The following PCSK6 variants were observed in gnomAD, a reference collection of about 807,000 sequenced individuals.
The protein encoded by PCSK6 is proprotein convertase subtilisin/kexin type 6.
A neutral mutation model predicts 123.3 loss-of-function variants in PCSK6; 85 were observed. That is an observed-to-expected ratio of 0.69 (90% CI 0.58 to 0.83). PCSK6 has a LOEUF of 0.83. Ranked by LOEUF, PCSK6 falls within the 40% of genes least tolerant of loss-of-function variation. PCSK6 has a pLI of 0.00. For missense variants in PCSK6, 1,191 were observed against 1,282.3 expected (o/e 0.93, Z 1.09); for synonymous variants, 508 against 516.0 (o/e 0.98, Z 0.21).
At chr15:101,320,215 A>G (rs921481313) in intron 18 of PCSK6, among the ~76,000 whole-genome samples, 1 of 152,124 alleles carries the variant, frequency 6.6e-6, no homozygotes, top group Non-Finnish European at 1.5e-5. Context: ...CCTCCCGAGT[A>G]GCTGAGATTA....
At chr15:101,336,737 A>C (rs993384570) in intron 13 of PCSK6, 4 of 152,208 alleles carry the variant, frequency 2.6e-5, no homozygotes, top group Admixed American at 2.0e-4. Context: ...TGTTTTGCTC[A>C]CACATGGTTT....
intron 11 of PCSK6, among the ~76,000 whole-genome samples, chr15:101,372,285 G>T (rs1324225484): frequency 3.3e-5 from 5 of 152,182 alleles, no homozygotes. Flanking sequence ...CATTATGCCT[G>T]GACTCTCCTC....
At chr15:101,483,601 A>C (rs1323442606) in intron 1 of PCSK6, among the ~76,000 whole-genome samples, 2 of 152,196 alleles carry the variant, frequency 1.3e-5, no homozygotes, top group African/African-American at 4.8e-5. Flanking sequence ...GCAGACGCTG[A>C]GCTGTTGTGA....
At position 101,406,134 on chromosome 15, in the gene PCSK6, C is replaced by T. The variant is rs144519488; in HGVS notation, c.824-7558G>A. Among the ~76,000 whole-genome samples the T allele has an allele frequency of 1.6e-4, 24 of 152,266 alleles. 1 individual carries two copies. In the East Asian group the frequency reaches 3.7e-3, roughly 23 times the overall value. ...AACATGCAGCCGGCCCCAGTCAGCA[C>T]GAGACACAGCATTTCCCCTGAAAAC... is the stretch of plus-strand genomic sequence containing the variant. On this transcript the variant is annotated intron_variant, in intron 6 of 21. Coordinates refer to ENST00000611716, the MANE Select transcript of PCSK6 (RefSeq NM_002570.5).
At chr15:101,468,967 G>A (rs1331623066) in intron 1 of PCSK6, among the ~76,000 whole-genome samples, 2 of 152,168 alleles carry the variant, frequency 1.3e-5, no homozygotes, top group Non-Finnish European at 2.9e-5. Context: ...GGATGTCAGA[G>A]GTCCCCAGCT....
intron 2 of PCSK6, 22 bp from the exon 3 acceptor site, chr15:101,432,122 C>T: frequency 1.3e-6 from 2 of 1,573,768 alleles, no homozygotes; most frequent in South Asian, 2.3e-5. Flanking sequence ...AATGCAATTA[C>T]TGTTTATATT....
chr15:101,434,685 G>A (rs946513606), intron 2 of PCSK6, among the ~76,000 whole-genome samples: 4 of 152,226 alleles, frequency 2.6e-5, no homozygotes, highest in Non-Finnish European at 5.9e-5. Flanking sequence ...CGGCAAGTGA[G>A]GTGCTCTCAG....
chr15:101,372,297 C>G (rs541883000), intron 11 of PCSK6, among the ~76,000 whole-genome samples: 3 of 152,220 alleles, frequency 2.0e-5, no homozygotes, highest in South Asian at 2.1e-4. Flanking sequence ...ACTCTCCTCC[C>G]GGGAGGCATG....
At chr15:101,310,756 G>A (rs968057381) in intron 20 of PCSK6, among the ~76,000 whole-genome samples, 5 of 152,146 alleles carry the variant, frequency 3.3e-5, no homozygotes, top group African/African-American at 1.2e-4. Flanking sequence ...TGTTTCTAGG[G>A]GAATAGGTTA....
Position 101,430,055 on chromosome 15 carries a change from G to C in PCSK6, c.666C>G (p.Tyr222Ter). 6.2e-7 allele frequency: 1 copy of C among 1,613,544 alleles called. No individual in the cohort carries two copies. Among genetic ancestry groups the C allele is most frequent in the South Asian group, 1.1e-5 (1 of 91,068 alleles). The change falls in exon 5 of 22, where the codon TAC becomes TAG. Residue 222 changes from tyrosine (Y) to a stop codon, truncating the protein, a stop_gained. Coordinates refer to ENST00000611716, the MANE Select transcript of PCSK6 (RefSeq NM_002570.5). LOFTEE classifies it high-confidence loss of function. Reference protein sequence around the residue: ...HPDLAPNYDSYASYDVNGNDY... With the variant: ...HPDLAPNYDS ...CATTGCCGTTCACGTCGTAGCTGGC[G>C]TAGGAATCCTAAGAAATGGAATCGT... is the stretch of plus-strand genomic sequence containing the variant.
intron 1 of PCSK6, among the ~76,000 whole-genome samples, chr15:101,460,114 A>G (rs1367880988): frequency 2.6e-5 from 4 of 151,728 alleles, no homozygotes; most frequent in African/African-American, 7.3e-5. Context: ...GAACCGTCAC[A>G]CAGGTCCCTC....
Position 101,446,016 on chromosome 15 carries a change from T to G in PCSK6, c.298-2356A>C, listed in dbSNP as rs114045154. On this transcript the variant is annotated intron_variant, in intron 1 of 21. Transcript: ENST00000611716. ...AAAGGCCCCTGGGTCTGGGCTGATG[T>G]CAACTGTTCTCCACGAACGATCCAG... Among the ~76,000 whole-genome samples, 633 of 152,300 alleles carry G rather than the reference T, an allele frequency of 4.2e-3. 5 individuals are homozygous for G. The highest frequency in any genetic ancestry group is 0.014 in the African/African-American group (600 of 41,552).
At chr15:101,408,873 T>C (rs1305333284) in intron 6 of PCSK6, among the ~76,000 whole-genome samples, 1 of 152,234 alleles carries the variant, frequency 6.6e-6, no homozygotes, top group Non-Finnish European at 1.5e-5. Flanking sequence ...GTTATGTACT[T>C]AACATTTTCG....
At chr15:101,345,263 T>C (rs1421010441) in intron 13 of PCSK6, among the ~76,000 whole-genome samples, 1 of 152,260 alleles carries the variant, frequency 6.6e-6, no homozygotes, top group Non-Finnish European at 1.5e-5. Context: ...ACTTGTCTTC[T>C]CTGTTGTTGG....
intron 1 of PCSK6, among the ~76,000 whole-genome samples, chr15:101,459,057 C>T (rs1043753060): frequency 1.3e-5 from 2 of 152,126 alleles, no homozygotes; most frequent in African/African-American, 4.8e-5. Context: ...GAAAGGCTTC[C>T]GGACAGAAGA....
chr15:101,323,222 C>T (rs928531833), intron 17 of PCSK6, among the ~76,000 whole-genome samples: 6 of 152,210 alleles, frequency 3.9e-5, no homozygotes, highest in Non-Finnish European at 5.9e-5. Context: ...CACACCTGCA[C>T]GTGTCCCCCT....
intron 1 of PCSK6, among the ~76,000 whole-genome samples, chr15:101,485,110 C>G (rs949901830): frequency 6.6e-6 from 1 of 152,196 alleles, no homozygotes; most frequent in African/African-American, 2.4e-5. Context: ...AACACTCTTC[C>G]GTGTCGGGAA....
At chr15:101,409,935 G>C (rs1054938750) in intron 6 of PCSK6, among the ~76,000 whole-genome samples, 4 of 152,004 alleles carry the variant, frequency 2.6e-5, no homozygotes, top group African/African-American at 9.7e-5. Context: ...ACACTTTTTT[G>C]TTTGTTTGTT....
rs1368820736 is a variant in PCSK6 at position 101,446,417 on chromosome 15, C to G, written c.298-2757G>C. On this transcript the variant is annotated intron_variant, in intron 1 of 21. Coordinates refer to ENST00000611716, the MANE Select transcript of PCSK6 (RefSeq NM_002570.5). ...CATCTATTTATGGACACGTGGATTA[C>G]TCCCACTGCTTGGCTGCTGGGAATA... Among the ~76,000 whole-genome samples the G allele has an allele frequency of 3.9e-5, 6 of 152,372 alleles. No individual in the cohort carries two copies. The East Asian group carries it at 1.2e-3, about 29-fold the overall frequency.
Sources: gnomAD v4.1 joint callset for allele counts (sites outside exome capture counted in the v4.1 genomes callset) on GRCh38, gnomAD v4.1.1 for gene constraint, MANE v1.5 for transcripts, NCBI Gene and HGNC (gene_info 2026-07-23, HGNC 2026-07-21) for gene names.